The following FMR1NB variants were observed in gnomAD, a reference collection of about 807,000 sequenced individuals.
FMR1NB encodes the protein FMR1 neighbor.
Under a neutral mutation model 16.8 loss-of-function variants are expected in FMR1NB, and 10 were observed. The observed-to-expected ratio is 0.60, with a 90% CI of 0.37 to 1.01. FMR1NB has a LOEUF of 1.01. Ranked by LOEUF, FMR1NB falls within the 50% of genes least tolerant of loss-of-function variation. The probability of loss-of-function intolerance (pLI) is 0.01; values close to 1 mark genes in which losing one functional copy is unlikely to be tolerated. For synonymous variants in FMR1NB, 83 were observed against 79.1 expected, an observed-to-expected ratio of 1.05 and a Z score of -0.26; for missense variants, 205 against 204.8, an observed-to-expected ratio of 1.00 and a Z score of 0.00.
intron 4 of FMR1NB, among the ~76,000 whole-genome samples, chrX:148,012,980 TA>T (rs1482423451): frequency 4.5e-5 from 5 of 111,842 alleles, no homozygotes; most frequent in Non-Finnish European, 9.4e-5. Flanking sequence ...AGGAAGGAAA[TA>T]AAATCTATAA....
intron 1 of FMR1NB, among the ~76,000 whole-genome samples, chrX:147,993,244 G>C (rs1391840570): frequency 8.9e-6 from 1 of 112,765 alleles, no homozygotes; most frequent in African/African-American, 3.2e-5. Flanking sequence ...GCGAAACCCC[G>C]TCTCCACCAA....
chrX:147,991,075 G>A (rs1322157311), intron 1 of FMR1NB, among the ~76,000 whole-genome samples: 2 of 110,538 alleles, frequency 1.8e-5, no homozygotes, highest in African/African-American at 3.3e-5. Context: ...CTACCCTCCC[G>A]CATGTTCACT....
intron 4 of FMR1NB, among the ~76,000 whole-genome samples, chrX:148,022,254 C>T (rs939704137): frequency 8.1e-5 from 9 of 111,636 alleles, no homozygotes; most frequent in African/African-American, 2.6e-4. Context: ...GGCTGCAGGC[C>T]TCATCTTAGA....
chrX:148,008,619 G>A lies in FMR1NB; in HGVS notation c.540G>A (p.Val180=). 1 of 1,210,301 alleles carries A rather than the reference G, an allele frequency of 8.3e-7. No homozygotes were observed. The highest frequency in any genetic ancestry group is 1.1e-6 in the Non-Finnish European group (1 of 894,542). ...AACAGGATATAATTAAACCAACAGT[G>A]CCTAAACAGATGATGCAAATGTTTG... The part of the protein sequence containing the change: ...SFKCFAPFRD[V]PKQMMQMFGL... Residue 180 remains valine (V), a splice_region_variant and synonymous_variant, in exon 4 of 6, where the codon GTG becomes GTA. Coordinates refer to ENST00000370467, the MANE Select transcript of FMR1NB (RefSeq NM_152578.3).
chrX:148,022,361 T>C (rs1463998749), intron 4 of FMR1NB, among the ~76,000 whole-genome samples: 5 of 111,894 alleles, frequency 4.5e-5, no homozygotes, highest in African/African-American at 1.6e-4. Flanking sequence ...TACCTCTACT[T>C]GAACTCATCT....
At chrX:147,995,898 G>T (rs781904473) in intron 1 of FMR1NB, among the ~76,000 whole-genome samples, 1 of 111,915 alleles carries the variant, frequency 8.9e-6, no homozygotes, top group Non-Finnish European at 1.9e-5. Flanking sequence ...GATCTAGGTT[G>T]CCCTGATTGT....
chrX:147,994,078 A>T (rs2044529314), intron 1 of FMR1NB, among the ~76,000 whole-genome samples: 1 of 111,373 alleles, frequency 9.0e-6, no homozygotes, highest in African/African-American at 3.3e-5. Flanking sequence ...TTATGTTCTC[A>T]TCTGCACAAA....
chrX:148,003,446 C>T, intron 2 of FMR1NB, 126 bp downstream of exon 2: 1 of 744,347 alleles, frequency 1.3e-6, no homozygotes, highest in Non-Finnish European at 1.9e-6. Context: ...AATCCTGGCT[C>T]TGCTCTTTGG....
At chrX:147,993,226 C>T (rs1210460813) in intron 1 of FMR1NB, among the ~76,000 whole-genome samples, 1 of 113,000 alleles carries the variant, frequency 8.8e-6, no homozygotes, top group African/African-American at 3.2e-5. Context: ...ACCGGCCCGG[C>T]CAACACAGCG....
chrX:147,993,933 G>T (rs1355402602), intron 1 of FMR1NB, among the ~76,000 whole-genome samples: 1 of 104,720 alleles, frequency 9.5e-6, no homozygotes, highest in Non-Finnish European at 1.9e-5. Context: ...CTCCCAACCT[G>T]AACTGCTTTT....
In FMR1NB at chrX:148,003,258, A is replaced by G. The variant is rs782246735; in HGVS notation, c.335A>G (p.His112Arg). The G allele has an allele frequency of 8.3e-7, 1 of 1,210,894 alleles. No homozygotes were observed. Among genetic ancestry groups the G allele is most frequent in the South Asian group, 1.8e-5 (1 of 56,928 alleles). ...ATCCTGCCCAACAGTGAAAATGCTC[A>G]TGGCCAATCTCTGGAAGAAGATTCC... Reference protein sequence around the residue: ...GHILPNSENAHGQSLEEDSAL... With the variant: ...GHILPNSENARGQSLEEDSAL... The change falls in exon 2 of 6, where the codon CAT becomes CGT. Residue 112 changes from histidine (H) to arginine (R), a missense_variant. His to Arg is a conservative substitution (Grantham distance 29). Coordinates refer to ENST00000370467, the MANE Select transcript of FMR1NB (RefSeq NM_152578.3).
At chrX:148,006,674 C>A (rs782799203) in intron 2 of FMR1NB, 28 bp from the exon 3 acceptor site, 16 of 1,183,378 alleles carry the variant, frequency 1.4e-5, no homozygotes, top group Admixed American at 2.5e-5. Context: ...ATGCTGAATT[C>A]TCTTTCTTAA....
chrX:147,993,343 C>A (rs2044524620), intron 1 of FMR1NB, among the ~76,000 whole-genome samples: 1 of 111,166 alleles, frequency 9.0e-6, no homozygotes, highest in African/African-American at 3.3e-5. Context: ...TGCAGTGAGC[C>A]GAGATGGCAG....
chrX:148,007,681 T>A (rs782747465), intron 3 of FMR1NB, among the ~76,000 whole-genome samples: 1 of 112,177 alleles, frequency 8.9e-6, no homozygotes, highest in Non-Finnish European at 1.9e-5. Context: ...CTACCTTCAT[T>A]TGGATATTGG....
intron 1 of FMR1NB, among the ~76,000 whole-genome samples, chrX:148,001,761 A>C (rs782221590): frequency 9.0e-6 from 1 of 111,217 alleles, no homozygotes; most frequent in Non-Finnish European, 1.9e-5. Flanking sequence ...AAAAAAAAAT[A>C]AAAGAAAAGA....
chrX:147,995,924 G>T (rs1019534868), intron 1 of FMR1NB, among the ~76,000 whole-genome samples: 1 of 111,937 alleles, frequency 8.9e-6, no homozygotes, highest in Non-Finnish European at 1.9e-5. Flanking sequence ...CTAACTTGCT[G>T]TGTGACCATT....
Position 147,985,150 on chromosome X carries a change from T to C in FMR1NB, c.277+3471T>C, listed in dbSNP as rs991274547. ...GCAGTTTTCTTGTGGTGTCTTTGCC[T>C]GCCCTTGGGATCATGTTACTACTGA... On this transcript the variant is annotated intron_variant, in intron 1 of 5. Transcript: ENST00000370467. Among the ~76,000 whole-genome samples, 3 of 111,332 alleles carry C rather than the reference T, an allele frequency of 2.7e-5. No homozygotes were observed. In the Admixed American group the frequency reaches 2.9e-4, roughly 11 times the overall value.
chrX:148,018,710 C>T, intron 4 of FMR1NB, among the ~76,000 whole-genome samples: 1 of 110,616 alleles, frequency 9.0e-6, no homozygotes, highest in Non-Finnish European at 1.9e-5. Context: ...AGACCTAAAA[C>T]CATAAAAACC....
chrX:148,006,223 A>G (rs1162417285), intron 2 of FMR1NB, among the ~76,000 whole-genome samples: 1 of 112,094 alleles, frequency 8.9e-6, no homozygotes, highest in African/African-American at 3.2e-5. Flanking sequence ...TGCCAATATG[A>G]TAAGTGTTCA....
Sources: gnomAD v4.1 joint callset for allele counts (sites outside exome capture counted in the v4.1 genomes callset) on GRCh38, gnomAD v4.1.1 for gene constraint, MANE v1.5 for transcripts, NCBI Gene and HGNC (gene_info 2026-07-23, HGNC 2026-07-21) for gene names.